The following AGPAT5 variants were observed in gnomAD, a reference collection of about 807,000 sequenced individuals.
AGPAT5 encodes 1-acylglycerol-3-phosphate O-acyltransferase 5.
Under a neutral mutation model 45.6 loss-of-function variants are expected in AGPAT5, and 46 were observed. The observed-to-expected ratio is 1.01, with a 90% CI of 0.80 to 1.29. The LOEUF is 1.29. Ranked by LOEUF, AGPAT5 falls within the 50% of genes most tolerant of loss-of-function variation. The pLI, the probability that AGPAT5 is intolerant of heterozygous loss-of-function variation, is 0.00. For synonymous variants in AGPAT5, 272 were observed against 167.0 expected (o/e 1.63, Z -4.85); for missense variants, 673 against 450.7 (o/e 1.49, Z -4.47).
intron 7 of AGPAT5, 28 bp downstream of exon 7, chr8:6,755,202 G>T: frequency 6.3e-7 from 1 of 1,583,646 alleles, no homozygotes; most frequent in Non-Finnish European, 8.5e-7. Context: ...CAGCACTTCC[G>T]GAACTTCGGT....
chr8:6,710,823 T>C (rs933940726), intron 1 of AGPAT5, among the ~76,000 whole-genome samples: 5 of 152,210 alleles, frequency 3.3e-5, no homozygotes, highest in African/African-American at 1.2e-4. Context: ...GTCACCTTAT[T>C]TTTTACCTGT....
chr8:6,757,255 CT>C lies in AGPAT5; in HGVS notation c.965del (p.Leu322TyrfsTer5). 1 of 1,614,144 alleles carries C rather than the reference CT, an allele frequency of 6.2e-7. No individual in the cohort carries two copies. Among genetic ancestry groups the C allele is most frequent in the South Asian group, 1.1e-5 (1 of 91,076 alleles). ...SVNSKLSIKK[T>X]LPSMLILSGL... ...AATTCCAAATTAAGTATCAAGAAGA[CT>C]TTACCATCAATGTTGATCTTAAGTG... On this transcript the variant is annotated frameshift_variant, in exon 8 of 8. Transcript: ENST00000285518. LOFTEE classifies it high-confidence loss of function.
intron 1 of AGPAT5, among the ~76,000 whole-genome samples, chr8:6,720,052 T>G (rs1587007209): frequency 6.6e-6 from 1 of 152,188 alleles, no homozygotes; most frequent in Non-Finnish European, 1.5e-5. Flanking sequence ...AGAGACATTC[T>G]GGGGAACTCA....
chr8:6,751,587 A>C (rs1801654982), intron 6 of AGPAT5, among the ~76,000 whole-genome samples: 1 of 152,182 alleles, frequency 6.6e-6, no homozygotes, highest in Admixed American at 6.5e-5. Flanking sequence ...TTATGGTGTA[A>C]GTTTCATTTT....
chr8:6,727,044 G>C (rs1341371291), intron 2 of AGPAT5, among the ~76,000 whole-genome samples: 1 of 152,136 alleles, frequency 6.6e-6, no homozygotes, highest in African/African-American at 2.4e-5. Context: ...GTCTGATTGT[G>C]TTTAGGTACC....
intron 1 of AGPAT5, among the ~76,000 whole-genome samples, chr8:6,714,829 G>T (rs1003002404): frequency 1.3e-5 from 2 of 152,164 alleles, no homozygotes; most frequent in Non-Finnish European, 2.9e-5. Flanking sequence ...TGGAAGGCAC[G>T]GGAAAACAGC....
At chr8:6,711,439 A>G (rs1157779716) in intron 1 of AGPAT5, among the ~76,000 whole-genome samples, 1 of 152,266 alleles carries the variant, frequency 6.6e-6, no homozygotes, top group Non-Finnish European at 1.5e-5. Context: ...TCTCATTGGT[A>G]CTGAAACTCA....
intron 2 of AGPAT5, among the ~76,000 whole-genome samples, chr8:6,728,306 G>C (rs1485615141): frequency 3.3e-5 from 5 of 152,230 alleles, no homozygotes; most frequent in African/African-American, 1.2e-4. Flanking sequence ...TATAATCTCA[G>C]CTGTAACTGA....
At chr8:6,733,349 T>A (rs1252386339) in intron 4 of AGPAT5, among the ~76,000 whole-genome samples, 1 of 152,154 alleles carries the variant, frequency 6.6e-6, no homozygotes, top group Non-Finnish European at 1.5e-5. Context: ...CCTCCTCTCC[T>A]CCTGCCCTCC....
intron 6 of AGPAT5, among the ~76,000 whole-genome samples, chr8:6,749,740 A>G (rs1378049701): frequency 6.6e-6 from 1 of 152,174 alleles, no homozygotes; most frequent in Non-Finnish European, 1.5e-5. Context: ...GGTTTATTAA[A>G]CATAGTTTAA....
In AGPAT5 at chr8:6,751,778, C is replaced by G. The variant is rs188546657; in HGVS notation, c.746-3273C>G. Among the ~76,000 whole-genome samples, 68 of 152,166 alleles carry G rather than the reference C, an allele frequency of 4.5e-4. 2 individuals are homozygous for G. The highest frequency in any genetic ancestry group is 8.1e-4 in the Non-Finnish European group (55 of 67,992). On this transcript the variant is annotated intron_variant, in intron 6 of 7. Transcript: ENST00000285518. ...AATAAATTGTGTGCTTAAGGACAAC[C>G]TTTGGTATTCTATTTGAGTATTGTG... is the stretch of plus-strand genomic sequence containing the variant.
intron 1 of AGPAT5, among the ~76,000 whole-genome samples, chr8:6,714,234 C>T (rs1255729177): frequency 6.6e-6 from 1 of 152,196 alleles, no homozygotes; most frequent in African/African-American, 2.4e-5. Context: ...TTAAATAGAT[C>T]TTAAATTGCT....
intron 5 of AGPAT5, among the ~76,000 whole-genome samples, chr8:6,745,435 C>T (rs1225109194): frequency 6.6e-6 from 1 of 152,200 alleles, no homozygotes; most frequent in African/African-American, 2.4e-5. Context: ...AAATGAATCC[C>T]ACTTCTCACT....
chr8:6,743,429 A>G (rs954483608), intron 5 of AGPAT5, among the ~76,000 whole-genome samples: 3 of 152,244 alleles, frequency 2.0e-5, no homozygotes, highest in African/African-American at 7.2e-5. Context: ...TATTGAAGAT[A>G]GAATTTATCC....
chr8:6,742,092 G>C (rs767250978), intron 5 of AGPAT5, among the ~76,000 whole-genome samples: 4 of 152,296 alleles, frequency 2.6e-5, no homozygotes, highest in African/African-American at 7.2e-5. Flanking sequence ...TGTTTTGTAA[G>C]ATGACAGACC....
chr8:6,755,276 A>G (rs1801797402), intron 7 of AGPAT5, 102 bp downstream of exon 7: 2 of 1,231,478 alleles, frequency 1.6e-6, no homozygotes, highest in Admixed American at 3.0e-5. Context: ...TGTCTCAAGA[A>G]TACATTTTAT....
chr8:6,722,325 A>G (rs1159635403), intron 1 of AGPAT5, among the ~76,000 whole-genome samples: 2 of 152,194 alleles, frequency 1.3e-5, no homozygotes, highest in Non-Finnish European at 2.9e-5. Flanking sequence ...CCTTATGCCA[A>G]AGTAGCATAT....
chr8:6,713,601 C>T (rs1288045518), intron 1 of AGPAT5, among the ~76,000 whole-genome samples: 3 of 152,126 alleles, frequency 2.0e-5, no homozygotes, highest in Non-Finnish European at 4.4e-5. Context: ...TTGCCCAAAC[C>T]AGAGGTGCAG....
intron 5 of AGPAT5, among the ~76,000 whole-genome samples, chr8:6,742,096 A>G (rs1207866185): frequency 6.6e-6 from 1 of 152,188 alleles, no homozygotes; most frequent in African/African-American, 2.4e-5. Flanking sequence ...TTGTAAGATG[A>G]CAGACCTAAG....
Sources: allele counts gnomAD v4.1 joint callset (sites outside exome capture counted in the v4.1 genomes callset), GRCh38; gene constraint gnomAD v4.1.1; transcripts MANE v1.5; gene names NCBI Gene and HGNC (gene_info 2026-07-23, HGNC 2026-07-21).